Variants in RXFP2 observed in about 807,000 individuals in gnomAD.
RXFP2 encodes the protein relaxin receptor 2.
RXFP2 carries 68 observed loss-of-function variants against 88.6 expected under a neutral mutation model. That is an observed-to-expected ratio of 0.77 (90% CI 0.63 to 0.94). RXFP2 has a LOEUF of 0.94. Ranked by LOEUF, RXFP2 falls within the 40% of genes least tolerant of loss-of-function variation. The pLI is 0.00. For synonymous variants in RXFP2, 329 were observed against 306.8 expected (o/e 1.07, Z -0.76); for missense variants, 791 against 893.9 (o/e 0.88, Z 1.47).
In RXFP2 at chr13:31,788,396, A is replaced by C. The variant is rs201578141; in HGVS notation, c.1074-726A>C. Among the ~76,000 whole-genome samples the C allele has an allele frequency of 1.4e-4, 21 of 152,310 alleles. 1 individual carries two copies. The East Asian group carries it at 2.9e-3, about 21-fold the overall frequency. Reference sequence around the variant, plus strand: ...CAAAAGGCCTCTGTCTTTTTAGATTATCTCTCTCCATCTGCTTCCTAAGAA... The same window carrying C: ...CAAAAGGCCTCTGTCTTTTTAGATTCTCTCTCTCCATCTGCTTCCTAAGAA... On this transcript the variant is annotated intron_variant, in intron 13 of 17. Coordinates refer to ENST00000298386, the MANE Select transcript of RXFP2 (RefSeq NM_130806.5).
Position 31,761,747 on chromosome 13 carries a change from A to G in RXFP2, c.265A>G (p.Ile89Val). 6.2e-7 allele frequency: 1 copy of G among 1,613,170 alleles called. No individual in the cohort carries two copies. Among genetic ancestry groups the G allele is most frequent in the Non-Finnish European group, 8.5e-7 (1 of 1,179,180 alleles). ...AGGTGACACTAGTGGATGGGCGACCATATTTGGCACAGTGCATGGAAATGC... is the reference window on the plus strand; with the variant it reads ...AGGTGACACTAGTGGATGGGCGACCGTATTTGGCACAGTGCATGGAAATGC... ...NCGDTSGWAT[I>V]FGTVHGNANS... Residue 89 changes from isoleucine to valine, a missense_variant, in exon 3 of 18, where the codon ATA (isoleucine) becomes GTA (valine). Transcript: ENST00000298386.
intron 5 of RXFP2, 50 bp downstream of exon 5, chr13:31,766,077 T>C (rs753963303): frequency 1.3e-5 from 12 of 907,092 alleles, no homozygotes; most frequent in Middle Eastern, 2.2e-4. Context: ...CTCGTGGTGG[T>C]GTAAGATGTT....
chr13:31,801,825 T>G (rs951735183), intron 17 of RXFP2, among the ~76,000 whole-genome samples: 1 of 150,492 alleles, frequency 6.6e-6, no homozygotes, highest in Non-Finnish European at 1.5e-5. Flanking sequence ...TTTATTTTTT[T>G]ATTTTCCTAT....
chr13:31,788,945 C>T (rs757695252), intron 13 of RXFP2, among the ~76,000 whole-genome samples, 177 bp from the exon 14 acceptor site: 4 of 152,212 alleles, frequency 2.6e-5, no homozygotes, highest in Non-Finnish European at 5.9e-5. Context: ...CAGCGCCAAA[C>T]TGCAGGAGGC....
intron 16 of RXFP2, among the ~76,000 whole-genome samples, chr13:31,796,282 C>T (rs1874041799): frequency 6.6e-6 from 1 of 151,118 alleles, no homozygotes; most frequent in Non-Finnish European, 1.5e-5. Flanking sequence ...ATCTCCTGAC[C>T]TCATGATCCA....
chr13:31,752,621 A>G (rs1215879897), intron 1 of RXFP2, among the ~76,000 whole-genome samples: 2 of 152,174 alleles, frequency 1.3e-5, no homozygotes, highest in Non-Finnish European at 2.9e-5. Flanking sequence ...GCCTTTTAAG[A>G]AAGACTTTCC....
chr13:31,761,674 T>C (rs1872307521), intron 2 of RXFP2, 50 bp from the exon 3 acceptor site: 2 of 1,195,094 alleles, frequency 1.7e-6, no homozygotes, highest in Non-Finnish European at 1.3e-6. Context: ...TTTTGTCAGA[T>C]GGTATTTAGT....
intron 13 of RXFP2, among the ~76,000 whole-genome samples, chr13:31,786,872 C>T (rs189826389): frequency 1.3e-5 from 2 of 152,298 alleles, no homozygotes; most frequent in Non-Finnish European, 2.9e-5. Context: ...TTCTTGAAAA[C>T]TGGGTTCATG....
chr13:31,746,111 G>C (rs569337824), intron 1 of RXFP2, among the ~76,000 whole-genome samples: 1 of 152,306 alleles, frequency 6.6e-6, no homozygotes, highest in East Asian at 1.9e-4. Context: ...CATGATGTCA[G>C]AGACATAGAT....
At chr13:31,777,343 A>C in intron 7 of RXFP2, 33 bp from the exon 8 acceptor site, 1 of 1,495,304 alleles carries the variant, frequency 6.7e-7, no homozygotes, top group South Asian at 1.1e-5. Flanking sequence ...AATGTCTCTA[A>C]TATTGGAAAT....
chr13:31,797,954 C>G (rs1465463434), intron 17 of RXFP2, among the ~76,000 whole-genome samples: 3 of 152,208 alleles, frequency 2.0e-5, no homozygotes, highest in Admixed American at 2.0e-4. Context: ...GAGAAAATCA[C>G]CTTTCCTTAG....
rs747901141 is a variant in RXFP2, at chr13:31,758,300, A to C, written c.137A>C (p.Gln46Pro). ...TQGSMITPSC[Q>P]KGYFPCGNLT... is the part of the protein sequence containing the mutation. ...GGTAGCATGATCACTCCTTCATGCC[A>C]AAAAGGATATTTTCCCTGTGGGAAT... The change falls in exon 2 of 18, where the codon CAA (glutamine) becomes CCA (proline). Residue 46 changes from glutamine (Q) to proline (P), a missense_variant. Transcript: ENST00000298386. The C allele has an allele frequency of 6.8e-6, 11 of 1,613,830 alleles. No homozygotes were observed. Among genetic ancestry groups the C allele is most frequent in the South Asian group, 1.1e-5 (1 of 91,066 alleles).
intron 16 of RXFP2, among the ~76,000 whole-genome samples, chr13:31,793,309 C>T (rs1021394398): frequency 6.6e-6 from 1 of 152,056 alleles, no homozygotes; most frequent in African/African-American, 2.4e-5. Context: ...CTACCAGGAT[C>T]TCTGGATGAT....
At chr13:31,763,810 T>G (rs557333716) in intron 3 of RXFP2, among the ~76,000 whole-genome samples, 89 of 152,304 alleles carry the variant, frequency 5.8e-4, no homozygotes, top group African/African-American at 2.0e-3. Flanking sequence ...AATTTAATCA[T>G]ATAACCACTA....
intron 3 of RXFP2, 45 bp downstream of exon 3, chr13:31,761,846 A>T (rs1566219943): frequency 2.4e-6 from 3 of 1,234,386 alleles, no homozygotes; most frequent in Admixed American, 1.7e-5. Context: ...TGTGAAAAAC[A>T]TGATTTGTGA....
rs775480799 is a variant in RXFP2, at chr13:31,758,296, T to C, written c.133T>C (p.Cys45Arg). The C allele has an allele frequency of 6.2e-7, 1 of 1,614,072 alleles. No individual in the cohort carries two copies. The highest frequency in any genetic ancestry group is 8.5e-7 in the Non-Finnish European group (1 of 1,179,988). ...LTQGSMITPS[C>R]QKGYFPCGNL... Reference sequence around the variant, plus strand: ...TCAAGGTAGCATGATCACTCCTTCATGCCAAAAAGGATATTTTCCCTGTGG... The same window carrying C: ...TCAAGGTAGCATGATCACTCCTTCACGCCAAAAAGGATATTTTCCCTGTGG... Residue 45 changes from cysteine to arginine, a missense_variant, in exon 2 of 18, where the codon TGC becomes CGC. Cys to Arg is a radical substitution (Grantham distance 180). Transcript: ENST00000298386.
intron 6 of RXFP2, 28 bp downstream of exon 6, chr13:31,774,719 G>A: frequency 8.3e-7 from 1 of 1,205,712 alleles, no homozygotes; most frequent in Non-Finnish European, 1.2e-6. Flanking sequence ...CATATTGTAG[G>A]TATAATTTTA....
Position 31,777,749 on chromosome 13 carries a change from A to C in RXFP2, c.713+302A>C, listed in dbSNP as rs575809747. On this transcript the variant is annotated intron_variant, in intron 8 of 17. Coordinates refer to ENST00000298386, the MANE Select transcript of RXFP2 (RefSeq NM_130806.5). The stretch of plus-strand genomic sequence containing the variant: ...CAGTGGTTGACCAAAGATAGTATTA[A>C]TTTTTATATCCTATGTTTATATTTT... Among the ~76,000 whole-genome samples the C allele has an allele frequency of 5.3e-5, 8 of 152,266 alleles. No homozygotes were observed. In the East Asian group the frequency reaches 1.2e-3, roughly 22 times the overall value.
In RXFP2 at chr13:31,739,575, T is replaced by C. The variant is rs763564116; in HGVS notation, c.-38T>C. ...CTACATCAGAACTCCTGCTGAGGTA[T>C]AAGAGGATACGTCTAATAACTCAAT... On this transcript the variant is annotated 5_prime_UTR_variant, in exon 1 of 18. Coordinates refer to ENST00000298386, the MANE Select transcript of RXFP2 (RefSeq NM_130806.5). 1.1e-5 allele frequency: 14 copies of C among 1,326,820 alleles called. No individual in the cohort carries two copies. The African/African-American group carries it at 1.9e-4, about 18-fold the overall frequency. The allele number at this position is 1,326,820 out of a possible 1,614,324, so 82.2% of individuals were successfully genotyped here.
Sources: allele counts gnomAD v4.1 joint callset (sites outside exome capture counted in the v4.1 genomes callset), GRCh38; gene constraint gnomAD v4.1.1; transcripts MANE v1.5; gene names NCBI Gene and HGNC (gene_info 2026-07-23, HGNC 2026-07-21).